The following TEKTL1 variants were observed in gnomAD, a reference collection of about 807,000 sequenced individuals.
TEKTL1 encodes the protein tektin like 1.
At chr19:15,022,883 CT>C in the TEKTL1 span, 10 of 1,594,630 alleles carry the variant, frequency 6.3e-6, no homozygotes, top group South Asian at 1.1e-4. Context: ...CACCGACAAG[CT>C]GCAGTGCCAC....
At chr19:15,020,624 C>A in the TEKTL1 span, 1 of 1,613,972 alleles carries the variant, frequency 6.2e-7, no homozygotes. Flanking sequence ...GGTCAGAAAA[C>A]GCCTCCTCCA....
the TEKTL1 span, among the ~76,000 whole-genome samples, chr19:15,017,952 T>C: frequency 6.6e-6 from 1 of 152,038 alleles, no homozygotes; most frequent in African/African-American, 2.4e-5. Context: ...TCCAATACTT[T>C]GGGAGGCTGA....
the TEKTL1 span, among the ~76,000 whole-genome samples, chr19:15,011,867 C>A: frequency 2.7e-4 from 41 of 152,132 alleles, no homozygotes; most frequent in Admixed American, 7.9e-4. Flanking sequence ...GGTGTGAGGA[C>A]CGCTTGAGTC....
chr19:15,015,333 C>A, the TEKTL1 span, among the ~76,000 whole-genome samples: 1 of 152,204 alleles, frequency 6.6e-6, no homozygotes, highest in South Asian at 2.1e-4. Context: ...GAAGTCAAAC[C>A]TCAAATTGGC....
the TEKTL1 span, chr19:15,021,359 C>T: frequency 6.2e-7 from 1 of 1,614,152 alleles, no homozygotes; most frequent in Non-Finnish European, 8.5e-7. Flanking sequence ...GCAGCGTGCG[C>T]CTTGGCGCTA....
chr19:15,010,803 G>A, the TEKTL1 span: 286 of 1,506,692 alleles, frequency 1.9e-4, no homozygotes, highest in African/African-American at 3.4e-3. Flanking sequence ...TTCCCGGCCA[G>A]GCCGAGAGAC....
chr19:15,011,136 C>A, the TEKTL1 span: 1 of 1,523,526 alleles, frequency 6.6e-7, no homozygotes, highest in South Asian at 1.2e-5. Context: ...AAGCCGCCCG[C>A]CTGGTACGCC....
the TEKTL1 span, chr19:15,021,965 G>A: frequency 4.1e-6 from 6 of 1,447,412 alleles, no homozygotes; most frequent in Non-Finnish European, 5.8e-6. Flanking sequence ...CCCGCCAATG[G>A]TAAGGCTCCT....
the TEKTL1 span, among the ~76,000 whole-genome samples, chr19:15,021,088 C>G: frequency 6.6e-6 from 1 of 151,890 alleles, no homozygotes; most frequent in Non-Finnish European, 1.5e-5. Context: ...ACCATGTTGG[C>G]CAGGCTGGTC....
At chr19:15,013,683 A>G in the TEKTL1 span, 1 of 1,613,038 alleles carries the variant, frequency 6.2e-7, no homozygotes, top group Non-Finnish European at 8.5e-7. Context: ...TCCCTGACAA[A>G]GCTGACAGTA....
chr19:15,023,042 G>A, the TEKTL1 span: 5 of 1,612,094 alleles, frequency 3.1e-6, no homozygotes, highest in African/African-American at 2.7e-5. Flanking sequence ...CGTGTGCTAC[G>A]AGCAGGCGCA....
the TEKTL1 span, chr19:15,021,996 A>G: frequency 2.5e-5 from 29 of 1,146,170 alleles, no homozygotes; most frequent in African/African-American, 6.1e-5. Context: ...CATCTGGACC[A>G]GGTATGATCC....
the TEKTL1 span, chr19:15,020,439 T>G: frequency 1.2e-6 from 2 of 1,607,750 alleles, no homozygotes; most frequent in Non-Finnish European, 1.7e-6. Flanking sequence ...TCACTCTGTC[T>G]TCTCCTCCCC....
At chr19:15,021,217 G>T in the TEKTL1 span, 1 of 1,084,856 alleles carries the variant, frequency 9.2e-7, no homozygotes. Flanking sequence ...TATCCCCCGC[G>T]CCCCCTGGAC....
the TEKTL1 span, chr19:15,011,176 G>T: frequency 1.3e-6 from 2 of 1,494,146 alleles, no homozygotes; most frequent in Non-Finnish European, 8.9e-7. Flanking sequence ...ACCGCAAAGC[G>T]CGCGCCCTGC....
At chr19:15,020,614 G>T in the TEKTL1 span, 1 of 1,613,958 alleles carries the variant, frequency 6.2e-7, no homozygotes, top group South Asian at 1.1e-5. Context: ...ACGCACACAG[G>T]GTCAGAAAAC....
At chr19:15,011,906 A>T in the TEKTL1 span, among the ~76,000 whole-genome samples, 2 of 151,976 alleles carry the variant, frequency 1.3e-5, no homozygotes, top group African/African-American at 4.8e-5. Context: ...GTGAACTATG[A>T]TGGCACCACT....
At chr19:15,019,974 A>G in the TEKTL1 span, among the ~76,000 whole-genome samples, 2 of 150,618 alleles carry the variant, frequency 1.3e-5, no homozygotes, top group Non-Finnish European at 3.0e-5. Flanking sequence ...AAAAAAAATA[A>G]TATATATATA....
the TEKTL1 span, among the ~76,000 whole-genome samples, chr19:15,012,399 A>G: frequency 1.3e-5 from 2 of 152,112 alleles, no homozygotes; most frequent in Non-Finnish European, 2.9e-5. Context: ...CCCTCTCTGC[A>G]CCAAAGTTTA....
Sources: allele counts gnomAD v4.1 joint callset (sites outside exome capture counted in the v4.1 genomes callset), GRCh38; gene constraint gnomAD v4.1.1; transcripts MANE v1.5; gene names NCBI Gene and HGNC (gene_info 2026-07-23, HGNC 2026-07-21).